AUTS2: variants seen among roughly 807,000 people sequenced by gnomAD.
The protein encoded by AUTS2 is autism susceptibility gene 2 protein.
Under a neutral mutation model 112.4 loss-of-function variants are expected in AUTS2, and 17 were observed. That is an observed-to-expected ratio of 0.15 (90% CI 0.10 to 0.23). The LOEUF is 0.23. Among genes scored for constraint, AUTS2 ranks in the 10% least tolerant of loss-of-function variants. The pLI, the probability that AUTS2 is intolerant of heterozygous loss-of-function variation, is 1.00. For missense variants in AUTS2, 1,510 were observed against 1,701.6 expected, an observed-to-expected ratio of 0.89 and a Z score of 1.98; for synonymous variants, 751 against 702.7, an observed-to-expected ratio of 1.07 and a Z score of -1.09.
intron 2 of AUTS2, among the ~76,000 whole-genome samples, chr7:69,905,614 C>T (rs1795120449): frequency 6.6e-6 from 1 of 152,100 alleles, no homozygotes; most frequent in Non-Finnish European, 1.5e-5. Flanking sequence ...TTTATCTGGA[C>T]ACCCGGCTGA....
intron 4 of AUTS2, among the ~76,000 whole-genome samples, chr7:70,363,148 G>C (rs1792353164): frequency 6.6e-6 from 1 of 152,044 alleles, no homozygotes; most frequent in Non-Finnish European, 1.5e-5. Context: ...TGTATTAACT[G>C]TTGTTCTACA....
At position 70,790,121 on chromosome 7, in the gene AUTS2, C is replaced by T. The variant is rs767324991; in HGVS notation, c.2905C>T (p.Pro969Ser). The T allele has an allele frequency of 1.3e-6, 2 of 1,599,326 alleles. No homozygotes were observed. The highest frequency in any genetic ancestry group is 1.7e-6 in the Non-Finnish European group (2 of 1,174,212). Reference protein sequence around the residue: ...SREAEPRKGEPAYENPKKSSE... With the variant: ...SREAEPRKGESAYENPKKSSE... ...GGAGGCCGAGCCGCGCAAGGGTGAG[C>T]CGGCCTACGAGAACCCCAAGAAGAG... Residue 969 changes from proline to serine, a missense_variant, in exon 19 of 19, where the codon CCG (proline) becomes TCG (serine). Physicochemically the swap from Pro to Ser is moderately conservative, Grantham distance 74. Transcript: ENST00000342771. This position sits in a 1 kb window ranked among gnomAD's most constrained non-coding sequence, Gnocchi z 7.6.
At chr7:70,591,614 G>T (rs1177812992) in intron 5 of AUTS2, among the ~76,000 whole-genome samples, 1 of 152,126 alleles carries the variant, frequency 6.6e-6, no homozygotes, top group Non-Finnish European at 1.5e-5. Context: ...GGCTAGGCTG[G>T]TCTCAAACTC....
chr7:70,442,487 TTTTAA>T (rs1796158596), intron 5 of AUTS2, among the ~76,000 whole-genome samples: 1 of 152,052 alleles, frequency 6.6e-6, no homozygotes. Flanking sequence ...CTCAGGAGAT[TTTTAA>T]TTTATTTTTG....
chr7:70,387,670 T>C (rs903081821), intron 4 of AUTS2, among the ~76,000 whole-genome samples: 2 of 152,234 alleles, frequency 1.3e-5, no homozygotes, highest in African/African-American at 4.8e-5. Context: ...GACTTTTTTC[T>C]TTCTGTCTCT....
chr7:70,159,748 C>T (rs768182987), intron 4 of AUTS2, among the ~76,000 whole-genome samples: 28 of 152,248 alleles, frequency 1.8e-4, no homozygotes, highest in Non-Finnish European at 3.5e-4. Context: ...AATTGTCAAA[C>T]AGTGAAAATT....
At chr7:70,289,608 A>G (rs1165626098) in intron 4 of AUTS2, among the ~76,000 whole-genome samples, 1 of 152,202 alleles carries the variant, frequency 6.6e-6, no homozygotes, top group African/African-American at 2.4e-5. Context: ...TAGAGCTGTT[A>G]GGGTTCCAAG....
chr7:70,727,106 A>G (rs1431723067), intron 6 of AUTS2, among the ~76,000 whole-genome samples: 3 of 152,098 alleles, frequency 2.0e-5, no homozygotes, highest in Non-Finnish European at 4.4e-5. Flanking sequence ...AACTTTCAGA[A>G]CCTCTGCAGT....
intron 1 of AUTS2, among the ~76,000 whole-genome samples, chr7:69,742,042 C>T (rs1209985694): frequency 1.3e-5 from 2 of 151,564 alleles, no homozygotes; most frequent in Non-Finnish European, 2.9e-5. Context: ...CTAAAGTGAT[C>T]CTTTCCACCT....
chr7:70,657,922 C>T (rs781494400), intron 5 of AUTS2, among the ~76,000 whole-genome samples: 1 of 152,150 alleles, frequency 6.6e-6, no homozygotes, highest in Non-Finnish European at 1.5e-5. Flanking sequence ...GCAAGTGACT[C>T]GTTTCCCAAT....
At chr7:70,399,142 A>G (rs1313992205) in intron 4 of AUTS2, among the ~76,000 whole-genome samples, 1 of 151,696 alleles carries the variant, frequency 6.6e-6, no homozygotes, top group East Asian at 1.9e-4. Flanking sequence ...ATGCACCACT[A>G]TGCCTGGCTG....
chr7:70,218,371 A>C (rs546010377), intron 4 of AUTS2, among the ~76,000 whole-genome samples: 5 of 152,194 alleles, frequency 3.3e-5, no homozygotes, highest in Admixed American at 6.5e-5. Context: ...GGAAAGATTT[A>C]GAGTCCAGTG....
intron 1 of AUTS2, among the ~76,000 whole-genome samples, chr7:69,615,566 G>A (rs1427723674): frequency 6.6e-6 from 1 of 152,072 alleles, no homozygotes; most frequent in East Asian, 1.9e-4. Context: ...GCCTCCCAAA[G>A]TGCTGGGATT....
chr7:69,944,518 G>A (rs946483996), intron 2 of AUTS2, among the ~76,000 whole-genome samples: 1 of 152,170 alleles, frequency 6.6e-6, no homozygotes, highest in South Asian at 2.1e-4. Flanking sequence ...GAAACCATTT[G>A]TGTAGGGTAC....
chr7:70,354,719 A>G (rs1791914975), intron 4 of AUTS2, among the ~76,000 whole-genome samples: 1 of 152,188 alleles, frequency 6.6e-6, no homozygotes, highest in African/African-American at 2.4e-5. Context: ...ATGGGCCATA[A>G]GTGTAAAACC....
chr7:70,718,137 TG>T (rs1341426757), intron 6 of AUTS2, among the ~76,000 whole-genome samples: 2 of 152,138 alleles, frequency 1.3e-5, no homozygotes, highest in African/African-American at 2.4e-5. Flanking sequence ...CCCCATCAGG[TG>T]GGCCTTTTGC....
Position 70,538,359 on chromosome 7 carries a change from C to T in AUTS2, c.690+102578C>T, listed in dbSNP as rs532767332. 1.3e-4 allele frequency among the ~76,000 whole-genome samples: 20 copies of T among 152,238 alleles called. 1 individual carries two copies. The East Asian group carries it at 3.9e-3, about 30-fold the overall frequency. ...CCTGGCCAATATGGTGAAACCCCGT[C>T]TCTACTAAAAATACAAAAATTGGTC... On this transcript the variant is annotated intron_variant, in intron 5 of 18. Transcript: ENST00000342771.
chr7:70,019,801 G>C (rs920172097), intron 2 of AUTS2, among the ~76,000 whole-genome samples: 1 of 152,102 alleles, frequency 6.6e-6, no homozygotes, highest in Admixed American at 6.5e-5. Flanking sequence ...ATTATCAGTT[G>C]ATTTCTTCTT....
intron 5 of AUTS2, among the ~76,000 whole-genome samples, chr7:70,548,445 T>A (rs1289493785): frequency 2.0e-5 from 3 of 152,232 alleles, no homozygotes; most frequent in African/African-American, 4.8e-5. Context: ...ATCAGTTTTT[T>A]TTTTATGGAT....
Sources: allele counts gnomAD v4.1 joint callset (sites outside exome capture counted in the v4.1 genomes callset), GRCh38; gene constraint gnomAD v4.1.1; non-coding constraint Gnocchi (gnomAD v3.1); transcripts MANE v1.5; gene names NCBI Gene and HGNC (gene_info 2026-07-23, HGNC 2026-07-21).